Variants in FOSL2 observed in about 807,000 individuals in gnomAD.
FOSL2 encodes fos-related antigen 2.
A neutral mutation model predicts 27.7 loss-of-function variants in FOSL2; 3 were observed. That is an observed-to-expected ratio of 0.11 (90% CI 0.05 to 0.28). The LOEUF (loss-of-function observed/expected upper bound fraction) is 0.28, where lower values mean the gene tolerates loss of function less well. Among genes scored for constraint, FOSL2 ranks in the 10% least tolerant of loss-of-function variants. The pLI is 1.00. For missense variants in FOSL2, 333 were observed against 445.1 expected, an observed-to-expected ratio of 0.75 and a Z score of 2.27; for synonymous variants, 179 against 190.1, an observed-to-expected ratio of 0.94 and a Z score of 0.48.
rs1368867410 is a variant in FOSL2 at position 28,408,679 on chromosome 2, C to T, written c.355-80C>T. ...CTCCATTTCCAGAAGGGCTTCTTGC[C>T]TTACTTAAAATACAGTTTTTAAAAA... On this transcript the variant is annotated intron_variant, in intron 2 of 3. Transcript: ENST00000264716. This position sits in a 1 kb window ranked among gnomAD's most constrained non-coding sequence, Gnocchi z 4.1. The T allele has an allele frequency of 9.7e-7, 1 of 1,035,754 alleles. No homozygotes were observed. Among genetic ancestry groups the T allele is most frequent in the Non-Finnish European group, 1.4e-6 (1 of 728,210 alleles). The allele number at this position is 1,035,754 out of a possible 1,614,324, so 64.2% of individuals were successfully genotyped here.
In FOSL2 at chr2:28,412,784, C is replaced by T; in HGVS notation, c.*336C>T. ...TGGACCATTCCTGTCCCTTTGTTAC[C>T]ATACTGTCTCTGGAGTGATGGTGTC... On this transcript the variant is annotated 3_prime_UTR_variant, in exon 4 of 4. Coordinates refer to ENST00000264716, the MANE Select transcript of FOSL2 (RefSeq NM_005253.4). The surrounding 1 kb of genome is among the most constrained non-coding windows in gnomAD (Gnocchi z 7.1). 1 of 296,944 alleles carries T rather than the reference C, an allele frequency of 3.4e-6. No individual in the cohort carries two copies. Among genetic ancestry groups the T allele is most frequent in the Admixed American group, 4.4e-5 (1 of 22,930 alleles). 18.4% of individuals were successfully genotyped at this position (296,944 alleles called of 1,614,324 possible).
chr2:28,406,936 G>T (rs150236152), intron 2 of FOSL2, among the ~76,000 whole-genome samples: 1 of 152,242 alleles, frequency 6.6e-6, no homozygotes, highest in Admixed American at 6.5e-5. Flanking sequence ...AGGGGAGGGT[G>T]TGTGTGGCTT....
Position 28,414,917 on chromosome 2 carries a change from CAA to C in FOSL2, c.*2471_*2472del, listed in dbSNP as rs1178278585. The C allele has an allele frequency of 1.3e-5, 2 of 152,220 alleles. No individual in the cohort carries two copies. Among genetic ancestry groups the C allele is most frequent in the African/African-American group, 4.8e-5 (2 of 41,450 alleles). The allele number at this position is 152,220 out of a possible 1,614,324, so 9.4% of individuals were successfully genotyped here. ...GTCATAGGAGGTCGTTCAGCTTCCC[CAA>C]AGTCAGAGGTGATTTGATTTGGGGA... is the stretch of plus-strand genomic sequence containing the variant. On this transcript the variant is annotated 3_prime_UTR_variant, in exon 4 of 4. Transcript: ENST00000264716.
chr2:28,396,816 AC>A, intron 1 of FOSL2: 1 of 151,128 alleles, frequency 6.6e-6, no homozygotes, highest in African/African-American at 2.5e-5. Flanking sequence ...ACACACACAC[AC>A]ACACACACAC....
In FOSL2 at chr2:28,400,562, C is replaced by T. The variant is rs577653655; in HGVS notation, c.103-3545C>T. 3.3e-5 allele frequency among the ~76,000 whole-genome samples: 5 copies of T among 152,268 alleles called. No homozygotes were observed. In the South Asian group the frequency reaches 1.0e-3, roughly 32 times the overall value. ...GAGACAAAAGCCTTCTTTATCAGAG[C>T]CCCGGGCCCCTCTGGGGATGGGACA... is the stretch of plus-strand genomic sequence containing the variant. On this transcript the variant is annotated intron_variant, in intron 1 of 3. Coordinates refer to ENST00000264716, the MANE Select transcript of FOSL2 (RefSeq NM_005253.4).
chr2:28,401,050 T>G (rs1333399409), intron 1 of FOSL2, among the ~76,000 whole-genome samples: 1 of 152,110 alleles, frequency 6.6e-6, no homozygotes, highest in African/African-American at 2.4e-5. Context: ...GAACCTGGCT[T>G]GGGGAGAGAA....
intron 1 of FOSL2, chr2:28,396,945 A>G (rs1663857508): frequency 1.3e-5 from 2 of 151,992 alleles, no homozygotes; most frequent in Non-Finnish European, 2.9e-5. Flanking sequence ...CCTCAATCAT[A>G]CCTCTCTAGT....
intron 2 of FOSL2, among the ~76,000 whole-genome samples, chr2:28,406,799 C>T (rs188165218): frequency 2.0e-5 from 3 of 152,348 alleles, no homozygotes; most frequent in East Asian, 3.9e-4. Context: ...TTACTCCGGC[C>T]GTCCCCAGCC....
chr2:28,403,821 G>A (rs537185136), intron 1 of FOSL2, among the ~76,000 whole-genome samples: 11 of 152,308 alleles, frequency 7.2e-5, no homozygotes, highest in Non-Finnish European at 1.6e-4. Flanking sequence ...TATCTTGGAA[G>A]TCATTTGGAA....
Position 28,412,773 on chromosome 2 carries a change from C to A in FOSL2, c.*325C>A, listed in dbSNP as rs534839799. 11 of 321,410 alleles carry A rather than the reference C, an allele frequency of 3.4e-5. No homozygotes were observed. In the East Asian group the frequency reaches 5.8e-4, roughly 17 times the overall value. The allele number at this position is 321,410 out of a possible 1,614,324, so 19.9% of individuals were successfully genotyped here. A position where few individuals can be genotyped will look rare whatever the true frequency, so the allele number is the denominator to read the frequency against. On this transcript the variant is annotated 3_prime_UTR_variant, in exon 4 of 4. Coordinates refer to ENST00000264716, the MANE Select transcript of FOSL2 (RefSeq NM_005253.4). The surrounding 1 kb of genome is among the most constrained non-coding windows in gnomAD (Gnocchi z 7.1). ...TGAAGCTGGCCTGGACCATTCCTGT[C>A]CCTTTGTTACCATACTGTCTCTGGA...
At position 28,412,087 on chromosome 2, in the gene FOSL2, A is replaced by G; in HGVS notation, c.620A>G (p.Gln207Arg). ...ERRSPPAPGL[Q>R]PMRSGGGSVG... ...CGATCGCCCCCAGCCCCTGGGCTGC[A>G]GCCCATGCGCAGTGGGGGTGGCTCG... is the stretch of plus-strand genomic sequence containing the variant. The change falls in exon 4 of 4, where the codon CAG becomes CGG. Residue 207 changes from glutamine to arginine, a missense_variant. Gln to Arg is a conservative substitution (Grantham distance 43, BLOSUM62 1). Coordinates refer to ENST00000264716, the MANE Select transcript of FOSL2 (RefSeq NM_005253.4). The surrounding 1 kb of genome is among the most constrained non-coding windows in gnomAD (Gnocchi z 7.1). 1 of 1,606,356 alleles carries G rather than the reference A, an allele frequency of 6.2e-7. No homozygotes were observed. Among genetic ancestry groups the G allele is most frequent in the East Asian group, 2.2e-5 (1 of 44,816 alleles).
Position 28,406,437 on chromosome 2 carries a change from C to CT in FOSL2, c.354+2083dup, listed in dbSNP as rs1664085024. On this transcript the variant is annotated intron_variant, in intron 2 of 3. Transcript: ENST00000264716. ...TATCCAGAGGGACTTTGGAGACCAT[C>CT]TTTTCTCATTTTCCCTTTATACCCA... is the stretch of plus-strand genomic sequence containing the variant. 3.9e-5 allele frequency among the ~76,000 whole-genome samples: 6 copies of CT among 152,328 alleles called. No homozygotes were observed. The South Asian group carries it at 1.0e-3, about 26-fold the overall frequency.
rs938121241 is a variant in FOSL2 at position 28,412,884 on chromosome 2, C to T, written c.*436C>T. 1.3e-4 allele frequency: 22 copies of T among 167,752 alleles called. No homozygotes were observed. The highest frequency in any genetic ancestry group is 4.5e-4 in the African/African-American group (19 of 42,186). The allele number at this position is 167,752 out of a possible 1,614,324, so 10.4% of individuals were successfully genotyped here. On this transcript the variant is annotated 3_prime_UTR_variant, in exon 4 of 4. Coordinates refer to ENST00000264716, the MANE Select transcript of FOSL2 (RefSeq NM_005253.4). This position sits in a 1 kb window ranked among gnomAD's most constrained non-coding sequence, Gnocchi z 7.1. Reference sequence around the variant, plus strand: ...TCGACTTGACCCTTTCCTCCCCCAGCGTCAGTTTCACTCCCTCTTGGTTTT... The same window carrying T: ...TCGACTTGACCCTTTCCTCCCCCAGTGTCAGTTTCACTCCCTCTTGGTTTT...
rs1025498294 is a variant in FOSL2, at chr2:28,413,281, G to A, written c.*833G>A. On this transcript the variant is annotated 3_prime_UTR_variant, in exon 4 of 4. Coordinates refer to ENST00000264716, the MANE Select transcript of FOSL2 (RefSeq NM_005253.4). ...AGGAAGCATGCCAACAAAGCCACACGGGTGTCCTAGCCAGCTTCCCTTCAC... is the reference window on the plus strand; with the variant it reads ...AGGAAGCATGCCAACAAAGCCACACAGGTGTCCTAGCCAGCTTCCCTTCAC... The A allele has an allele frequency of 6.6e-5, 26 of 392,230 alleles. No homozygotes were observed. Among genetic ancestry groups the A allele is most frequent in the South Asian group, 2.9e-4 (2 of 6,970 alleles). 24.3% of individuals were successfully genotyped at this position (392,230 alleles called of 1,614,324 possible).
chr2:28,412,273 C>T lies in FOSL2; in HGVS notation c.806C>T (p.Ser269Phe). Residue 269 changes from serine to phenylalanine, a missense_variant, in exon 4 of 4, where the codon TCC becomes TTC. Physicochemically the swap from Ser to Phe is radical, Grantham distance 155 (BLOSUM62 -2). Transcript: ENST00000264716. The surrounding 1 kb of genome is among the most constrained non-coding windows in gnomAD (Gnocchi z 7.1). ...EPLHTPIVVT[S>F]TPAVTPGTSN... ...CTGCACACCCCCATCGTGGTGACCT[C>T]CACACCTGCTGTCACTCCGGGCACC... is the stretch of plus-strand genomic sequence containing the variant. 1 of 1,614,100 alleles carries T rather than the reference C, an allele frequency of 6.2e-7. No individual in the cohort carries two copies.
At position 28,408,533 on chromosome 2, in the gene FOSL2, A is replaced by C. The variant is rs1444534176; in HGVS notation, c.355-226A>C. Among the ~76,000 whole-genome samples, 2 of 152,174 alleles carry C rather than the reference A, an allele frequency of 1.3e-5. No individual in the cohort carries two copies. The highest frequency in any genetic ancestry group is 2.9e-5 in the Non-Finnish European group (2 of 68,040). On this transcript the variant is annotated intron_variant, in intron 2 of 3. Coordinates refer to ENST00000264716, the MANE Select transcript of FOSL2 (RefSeq NM_005253.4). The surrounding 1 kb of genome is among the most constrained non-coding windows in gnomAD (Gnocchi z 4.1). ...GTTTAAACATGGACTTTAAACTTGG[A>C]CATCACCTTCCGGGGCAGATTCAGC...
At chr2:28,402,508 G>C (rs1663993748) in intron 1 of FOSL2, among the ~76,000 whole-genome samples, 1 of 152,256 alleles carries the variant, frequency 6.6e-6, no homozygotes. Context: ...CAAAGACAAT[G>C]GTGGTGCCAG....
chr2:28,405,746 A>T (rs1664063279), intron 2 of FOSL2, among the ~76,000 whole-genome samples: 1 of 152,176 alleles, frequency 6.6e-6, no homozygotes, highest in Admixed American at 6.5e-5. Flanking sequence ...TGTGTCTGCT[A>T]GACACTATAA....
rs553452786 is a variant in FOSL2 at position 28,399,231 on chromosome 2, A to G, written c.103-4876A>G. 5.3e-5 allele frequency among the ~76,000 whole-genome samples: 8 copies of G among 152,258 alleles called. No individual in the cohort carries two copies. In the East Asian group the frequency reaches 1.4e-3, roughly 26 times the overall value. On this transcript the variant is annotated intron_variant, in intron 1 of 3. Transcript: ENST00000264716. ...CCAAGGGGCTGGGCCAAGAACCCCA[A>G]CCCTGACTTCCATCTCACATACCAG...
Sources: allele counts gnomAD v4.1 joint callset (sites outside exome capture counted in the v4.1 genomes callset), GRCh38; gene constraint gnomAD v4.1.1; non-coding constraint Gnocchi (gnomAD v3.1); transcripts MANE v1.5; gene names NCBI Gene and HGNC (gene_info 2026-07-23, HGNC 2026-07-21).